The following UXS1 variants were observed in gnomAD, a reference collection of about 807,000 sequenced individuals.
UXS1 encodes UDP-glucuronate decarboxylase 1.
In UXS1, 33 loss-of-function variants were observed where a neutral mutation model predicts 62.6. The ratio of observed to expected loss-of-function variants is 0.53; its 90% CI spans 0.40 to 0.70. The LOEUF (loss-of-function observed/expected upper bound fraction) is 0.70, where lower values mean the gene tolerates loss of function less well. Among genes scored for constraint, UXS1 ranks in the 30% least tolerant of loss-of-function variants. UXS1 has a pLI of 0.00. For missense variants in UXS1, 434 were observed against 556.3 expected (o/e 0.78, Z 2.21); for synonymous variants, 213 against 206.8 (o/e 1.03, Z -0.26).
Position 106,112,664 on chromosome 2 carries a change from G to A in UXS1, c.861C>T (p.Leu287=), listed in dbSNP as rs1678715073. ...RVVSNFILQA[L]QGEPLTVYGS... is the part of the protein sequence containing the mutation. ...CACCTACCGTGAGTGGCTCCCCCTG[G>A]AGCGCCTGCAGGATGAAGTTGCTGA... Residue 287 remains leucine, a synonymous_variant, in exon 10 of 15, where the codon CTC becomes CTT. Coordinates refer to ENST00000283148, the MANE Select transcript of UXS1 (RefSeq NM_001253875.2). 6.2e-7 allele frequency: 1 copy of A among 1,613,870 alleles called. No homozygotes were observed. Among genetic ancestry groups the A allele is most frequent in the East Asian group, 2.2e-5 (1 of 44,892 alleles).
At chr2:106,148,483 G>A (rs1303198687) in intron 5 of UXS1, among the ~76,000 whole-genome samples, 2 of 152,256 alleles carry the variant, frequency 1.3e-5, no homozygotes, top group East Asian at 1.9e-4. Flanking sequence ...CAAAATACCT[G>A]GCAGACAGTT....
intron 1 of UXS1, among the ~76,000 whole-genome samples, chr2:106,188,928 C>CTTAT (rs1684749027): frequency 6.6e-6 from 1 of 151,986 alleles, no homozygotes; most frequent in Non-Finnish European, 1.5e-5. Context: ...TAAAAAAGTT[C>CTTAT]ACAGAACAAA....
At chr2:106,181,044 G>A (rs900557582) in intron 1 of UXS1, among the ~76,000 whole-genome samples, 8 of 152,186 alleles carry the variant, frequency 5.3e-5, no homozygotes, top group African/African-American at 1.7e-4. Flanking sequence ...TTAGTTTTCT[G>A]ATGGAACGAA....
intron 1 of UXS1, among the ~76,000 whole-genome samples, chr2:106,189,190 TA>T (rs1403586440): frequency 6.6e-6 from 1 of 151,620 alleles, no homozygotes; most frequent in African/African-American, 2.4e-5. Context: ...AACTGAAGAA[TA>T]AGTGTTTCTG....
intron 13 of UXS1, among the ~76,000 whole-genome samples, chr2:106,098,507 G>A (rs1312098501): frequency 6.6e-6 from 1 of 152,136 alleles, no homozygotes; most frequent in African/African-American, 2.4e-5. Flanking sequence ...ATGCAAACCT[G>A]CAACGAAAAC....
At chr2:106,151,544 T>C (rs914412108) in intron 5 of UXS1, among the ~76,000 whole-genome samples, 3 of 152,158 alleles carry the variant, frequency 2.0e-5, no homozygotes, top group African/African-American at 4.8e-5. Context: ...CCCCTTGATA[T>C]TGCACTTGCC....
chr2:106,184,166 T>C (rs1270222980), intron 1 of UXS1, among the ~76,000 whole-genome samples: 1 of 152,104 alleles, frequency 6.6e-6, no homozygotes, highest in Non-Finnish European at 1.5e-5. Flanking sequence ...CATTCCAGCC[T>C]GGGCAACAGA....
chr2:106,176,171 C>T (rs568113381), intron 1 of UXS1, among the ~76,000 whole-genome samples: 6 of 152,218 alleles, frequency 3.9e-5, no homozygotes, highest in African/African-American at 1.4e-4. Context: ...CCCCTGGCTG[C>T]TCCCCACCTG....
chr2:106,192,988 C>T (rs1446695536), intron 1 of UXS1, among the ~76,000 whole-genome samples: 1 of 152,192 alleles, frequency 6.6e-6, no homozygotes, highest in African/African-American at 2.4e-5. Flanking sequence ...CACACACACA[C>T]TTTAGACTAG....
intron 5 of UXS1, among the ~76,000 whole-genome samples, chr2:106,152,228 G>A (rs796756237): frequency 9.8e-5 from 15 of 152,308 alleles, no homozygotes; most frequent in African/African-American, 3.6e-4. Context: ...GAGGTGGACA[G>A]ATAGCCTGAG....
rs1676875749 is a variant in UXS1, at chr2:106,094,061, C to A, written c.1243G>T (p.Ala415Ser). 1 of 1,613,066 alleles carries A rather than the reference C, an allele frequency of 6.2e-7. No individual in the cohort carries two copies. The highest frequency in any genetic ancestry group is 1.1e-5 in the South Asian group (1 of 90,896). ...CGAGTCCGTCCTTTCTTTATTCTGG[C>A]AGGCTTTGGTTTGGGGATGTACTGA... ...NNQYIPKPKP[A>S]RIKKGRTRHS Residue 415 changes from alanine (A) to serine (S), a missense_variant, in exon 15 of 15, where the codon GCC (alanine) becomes TCC (serine). Ala to Ser is a moderately conservative substitution (Grantham distance 99). Around this residue, in one of 3 missense-constraint regions of UXS1, gnomAD observed 209 missense variants for 233.3 expected, o/e 0.90. Transcript: ENST00000283148.
chr2:106,158,071 C>T lies in UXS1; in HGVS notation c.278G>A (p.Arg93Gln), dbSNP rs1292508974. The T allele has an allele frequency of 3.2e-6, 5 of 1,565,590 alleles. No homozygotes were observed. Among genetic ancestry groups the T allele is most frequent in the South Asian group, 2.4e-5 (2 of 84,978 alleles). ...PPVKFLSEKD[R>Q]KRILITGGAG... ...GTGCAAACTTACCAAAATTCTTTTC[C>T]GATCCTTTTCTGATAAAAACTTTAC... The change falls in exon 5 of 15, where the codon CGG becomes CAG. Residue 93 changes from arginine (R) to glutamine (Q), a missense_variant. Coordinates refer to ENST00000283148, the MANE Select transcript of UXS1 (RefSeq NM_001253875.2).
intron 5 of UXS1, among the ~76,000 whole-genome samples, chr2:106,150,069 T>C (rs911702390): frequency 1.3e-5 from 2 of 152,234 alleles, no homozygotes; most frequent in African/African-American, 4.8e-5. Context: ...CTGTGTCCTC[T>C]GGCTTTATGA....
At chr2:106,153,640 C>A (rs1334528565) in intron 5 of UXS1, among the ~76,000 whole-genome samples, 4 of 152,118 alleles carry the variant, frequency 2.6e-5, no homozygotes, top group Admixed American at 2.0e-4. Flanking sequence ...CAGTTTTCTA[C>A]AACAAATTAC....
At position 106,142,074 on chromosome 2, in the gene UXS1, G is replaced by A. The variant is rs368260358; in HGVS notation, c.472+3116C>T. Among the ~76,000 whole-genome samples, 223 of 152,146 alleles carry A rather than the reference G, an allele frequency of 1.5e-3. 1 individual carries two copies. The highest frequency in any genetic ancestry group is 3.3e-3 in the African/African-American group (137 of 41,522). On this transcript the variant is annotated intron_variant, in intron 6 of 14. Coordinates refer to ENST00000283148, the MANE Select transcript of UXS1 (RefSeq NM_001253875.2). The stretch of plus-strand genomic sequence containing the variant: ...TTTGGTAGAGACTGGGTTTCACCGC[G>A]TTGCCCAGGCTGGACTGAAACTCCT...
intron 1 of UXS1, among the ~76,000 whole-genome samples, chr2:106,182,907 T>A (rs966312914): frequency 6.6e-6 from 1 of 152,136 alleles, no homozygotes; most frequent in African/African-American, 2.4e-5. Context: ...TCTCATTGAA[T>A]TAAGAACCTA....
intron 12 of UXS1, chr2:106,100,742 G>A (rs542530365): frequency 1.5e-4 from 40 of 273,552 alleles, no homozygotes; most frequent in African/African-American, 6.4e-4. Flanking sequence ...ATGATGACCC[G>A]CCTGTTAAAT....
intron 6 of UXS1, among the ~76,000 whole-genome samples, chr2:106,139,704 A>G (rs1680945767): frequency 6.6e-6 from 1 of 152,304 alleles, no homozygotes; most frequent in Non-Finnish European, 1.5e-5. Context: ...GTCTTAAGTT[A>G]GTGACATAGT....
chr2:106,144,210 A>T (rs962891673), intron 6 of UXS1, among the ~76,000 whole-genome samples: 1 of 152,228 alleles, frequency 6.6e-6, no homozygotes, highest in Admixed American at 6.5e-5. Context: ...ATAGCCTGTT[A>T]TACTTTACAA....
Sources: gnomAD v4.1 joint callset for allele counts (sites outside exome capture counted in the v4.1 genomes callset) on GRCh38, gnomAD v4.1.1 for gene constraint, gnomAD v4.1.1 regional missense constraint, MANE v1.5 for transcripts, NCBI Gene and HGNC (gene_info 2026-07-23, HGNC 2026-07-21) for gene names.